The following PROS1 variants were observed in gnomAD, a reference collection of about 807,000 sequenced individuals.
PROS1 encodes the protein protein S.
A neutral mutation model predicts 75.9 loss-of-function variants in PROS1; 29 were observed. The ratio of observed to expected loss-of-function variants is 0.38; its 90% CI spans 0.28 to 0.52. The LOEUF (loss-of-function observed/expected upper bound fraction) is 0.52. Among genes scored for constraint, PROS1 ranks in the 20% least tolerant of loss-of-function variants. The pLI is 0.83. For missense variants in PROS1, 680 were observed against 810.3 expected (o/e 0.84, Z 1.95); for synonymous variants, 245 against 280.6 (o/e 0.87, Z 1.27).
intron 7 of PROS1, 72 bp downstream of exon 7, chr3:93,900,732 T>C: frequency 6.3e-7 from 1 of 1,593,242 alleles, no homozygotes. Context: ...ACAAAGCCAA[T>C]GCTTTTAAAT....
chr3:93,874,326 A>G lies in PROS1; in HGVS notation c.1950T>C (p.Asp650=), dbSNP rs746506055. Residue 650 remains aspartate (D), a synonymous_variant, in exon 15 of 15, where the codon GAT becomes GAC. Transcript: ENST00000394236. ...TATGTTTAGAAATGGCTTCATCCAG[A>G]TCCAACTGTACACCATTAATATTCA... ...MEVNINGVQL[D]LDEAISKHND... 4 of 1,613,494 alleles carry G rather than the reference A, an allele frequency of 2.5e-6. No homozygotes were observed. The South Asian group carries it at 4.4e-5, about 18-fold the overall frequency.
intron 1 of PROS1, 163 bp downstream of exon 1, chr3:93,973,509 CTG>C (rs1218377895): frequency 2.8e-6 from 2 of 706,928 alleles, no homozygotes; most frequent in Non-Finnish European, 5.1e-6. Context: ...CACCATTGCA[CTG>C]CCTGCTCTAT....
At chr3:93,940,038 G>C (rs1709258077) in intron 1 of PROS1, among the ~76,000 whole-genome samples, 1 of 152,272 alleles carries the variant, frequency 6.6e-6, no homozygotes, top group African/African-American at 2.4e-5. Flanking sequence ...ACAGTGGTCA[G>C]GCATTCTTTC....
intron 4 of PROS1, among the ~76,000 whole-genome samples, chr3:93,908,200 A>G (rs551826778): frequency 6.6e-6 from 1 of 152,340 alleles, no homozygotes; most frequent in African/African-American, 2.4e-5. Context: ...GAATAGATTT[A>G]TCTTCCTGCC....
intron 3 of PROS1, among the ~76,000 whole-genome samples, chr3:93,917,583 C>G (rs540334914): frequency 1.3e-5 from 2 of 152,336 alleles, no homozygotes; most frequent in African/African-American, 4.8e-5. Flanking sequence ...AAGCCCAGAG[C>G]TGGCTCCCTC....
chr3:93,903,995 G>A (rs897988310), intron 6 of PROS1, among the ~76,000 whole-genome samples: 1 of 124,016 alleles, frequency 8.1e-6, no homozygotes, highest in Non-Finnish European at 1.6e-5. Flanking sequence ...TCCCCAGAGT[G>A]TGATATTCCC....
chr3:93,963,967 G>T (rs764078008), intron 1 of PROS1, among the ~76,000 whole-genome samples: 1 of 152,134 alleles, frequency 6.6e-6, no homozygotes, highest in African/African-American at 2.4e-5. Context: ...CCACAGCAGA[G>T]GAACATGAAT....
At position 93,873,909 on chromosome 3, in the gene PROS1, G is replaced by GA. The variant is rs1023062170; in HGVS notation, c.*335dup. On this transcript the variant is annotated 3_prime_UTR_variant, in exon 15 of 15. Coordinates refer to ENST00000394236, the MANE Select transcript of PROS1 (RefSeq NM_000313.4). ...GTTTGAGTTTACTTCCTTGCTTTCT[G>GA]AAAAAAACATAGGTATTTAGACACT... 1.0e-4 allele frequency: 25 copies of GA among 247,534 alleles called. No homozygotes were observed. The highest frequency in any genetic ancestry group is 1.9e-4 in the Non-Finnish European group (24 of 126,396). 15.3% of individuals were successfully genotyped at this position (247,534 alleles called of 1,614,324 possible).
chr3:93,925,813 A>ACCCT (rs1709008078), intron 2 of PROS1, among the ~76,000 whole-genome samples: 1 of 130,206 alleles, frequency 7.7e-6, no homozygotes, highest in East Asian at 2.5e-4. Flanking sequence ...ACAGAGCAAG[A>ACCCT]CCCTGTCTAA....
intron 1 of PROS1, among the ~76,000 whole-genome samples, chr3:93,929,100 G>T (rs1159924680): frequency 6.6e-6 from 1 of 152,186 alleles, no homozygotes; most frequent in Non-Finnish European, 1.5e-5. Flanking sequence ...CTACATATAT[G>T]CCCATGTGCT....
intron 12 of PROS1, among the ~76,000 whole-genome samples, chr3:93,882,585 G>A (rs576192656): frequency 6.6e-6 from 1 of 152,208 alleles, no homozygotes; most frequent in Non-Finnish European, 1.5e-5. Context: ...ATCCAGGGCA[G>A]ACAGGAAATG....
chr3:93,886,164 T>G (rs1708343562), intron 11 of PROS1, among the ~76,000 whole-genome samples, 172 bp downstream of exon 11: 5 of 152,178 alleles, frequency 3.3e-5, no homozygotes, highest in Non-Finnish European at 7.3e-5. Flanking sequence ...TTTTATTTCA[T>G]TAATATAATT....
chr3:93,948,081 C>T (rs534636173), intron 1 of PROS1, among the ~76,000 whole-genome samples: 2 of 152,138 alleles, frequency 1.3e-5, no homozygotes, highest in Non-Finnish European at 2.9e-5. Flanking sequence ...CCTAGTTTAC[C>T]CAGCTTACTT....
intron 14 of PROS1, among the ~76,000 whole-genome samples, chr3:93,876,310 C>A (rs139917569): frequency 1.4e-4 from 22 of 152,114 alleles, no homozygotes; most frequent in Non-Finnish European, 4.4e-5. Flanking sequence ...GATACTACAA[C>A]TATTGTCACT....
In PROS1 at chr3:93,884,913, C is replaced by T; in HGVS notation, c.1324-17G>A. The T allele has an allele frequency of 6.2e-7, 1 of 1,607,542 alleles. No individual in the cohort carries two copies. The highest frequency in any genetic ancestry group is 8.5e-7 in the Non-Finnish European group (1 of 1,175,810). On this transcript the variant is annotated splice_polypyrimidine_tract_variant and intron_variant, in intron 11 of 14. Coordinates refer to ENST00000394236, the MANE Select transcript of PROS1 (RefSeq NM_000313.4). ...AGGGTTAATCTAACAAATTAAAATACAAGTCAAGGAGTGCATTTTAAACTT... is the reference window on the plus strand; with the variant it reads ...AGGGTTAATCTAACAAATTAAAATATAAGTCAAGGAGTGCATTTTAAACTT...
chr3:93,954,493 T>C (rs941664084), intron 1 of PROS1, among the ~76,000 whole-genome samples: 2 of 152,152 alleles, frequency 1.3e-5, no homozygotes, highest in African/African-American at 4.8e-5. Context: ...CCCTATTTAA[T>C]AAATAGTGCC....
At chr3:93,879,992 T>C (rs1354095141) in intron 12 of PROS1, among the ~76,000 whole-genome samples, 1 of 152,208 alleles carries the variant, frequency 6.6e-6, no homozygotes, top group East Asian at 1.9e-4. Context: ...GTTGAATTAA[T>C]ATGTTTCCAG....
At chr3:93,885,784 T>C (rs889848847) in intron 11 of PROS1, among the ~76,000 whole-genome samples, 2 of 152,234 alleles carry the variant, frequency 1.3e-5, no homozygotes, top group Admixed American at 1.3e-4. Flanking sequence ...TAATATCATA[T>C]AATGGAAATC....
At chr3:93,925,997 C>G (rs1216421988) in intron 2 of PROS1, among the ~76,000 whole-genome samples, 5 of 152,078 alleles carry the variant, frequency 3.3e-5, no homozygotes, top group Admixed American at 3.3e-4. Context: ...TCAAGGTCTT[C>G]TCCCTCACTG....
Sources: gnomAD v4.1 joint callset for allele counts (sites outside exome capture counted in the v4.1 genomes callset) on GRCh38, gnomAD v4.1.1 for gene constraint, MANE v1.5 for transcripts, NCBI Gene and HGNC (gene_info 2026-07-23, HGNC 2026-07-21) for gene names.